GNAT3: variants seen among roughly 807,000 people sequenced by gnomAD.
The protein encoded by GNAT3 is G protein subunit alpha transducin 3, also known as guanine nucleotide-binding protein G(t) subunit alpha-3.
GNAT3 carries 31 observed loss-of-function variants against 37.7 expected under a neutral mutation model. The ratio of observed to expected loss-of-function variants is 0.82; its 90% CI spans 0.62 to 1.11. The LOEUF (loss-of-function observed/expected upper bound fraction) is 1.11, where lower values mean the gene tolerates loss of function less well. GNAT3 is among the 50% of genes most tolerant of loss of function. GNAT3 has a pLI of 0.00. For synonymous variants in GNAT3, 138 were observed against 139.8 expected (o/e 0.99, Z 0.09); for missense variants, 437 against 412.5 (o/e 1.06, Z -0.51).
chr7:80,479,076 G>A (rs959922525), intron 3 of GNAT3, 78 bp from the exon 4 acceptor site: 1 of 973,392 alleles, frequency 1.0e-6, no homozygotes, highest in Non-Finnish European at 1.5e-6. Context: ...GTAATTTACT[G>A]GGATAATTTT....
intron 2 of GNAT3, among the ~76,000 whole-genome samples, chr7:80,492,386 A>G (rs562466622): frequency 2.0e-5 from 3 of 151,694 alleles, no homozygotes; most frequent in Non-Finnish European, 4.4e-5. Context: ...AATAAAAAAT[A>G]AAATGTTAAT....
intron 1 of GNAT3, among the ~76,000 whole-genome samples, chr7:80,498,804 AATAG>A (rs1262104475): frequency 6.6e-6 from 1 of 152,140 alleles, no homozygotes; most frequent in Non-Finnish European, 1.5e-5. Flanking sequence ...GTTTCTTTGA[AATAG>A]ATAATGTTAC....
chr7:80,480,863 A>G (rs1790381808), intron 3 of GNAT3, among the ~76,000 whole-genome samples: 1 of 152,034 alleles, frequency 6.6e-6, no homozygotes, highest in African/African-American at 2.4e-5. Flanking sequence ...CGACCTCCTT[A>G]TCTCACCCTG....
intron 1 of GNAT3, among the ~76,000 whole-genome samples, chr7:80,501,451 A>G (rs1323924609): frequency 3.9e-5 from 6 of 152,030 alleles, no homozygotes; most frequent in Non-Finnish European, 2.9e-5. Flanking sequence ...TACAAAACCA[A>G]AATACTATTT....
intron 1 of GNAT3, 142 bp downstream of exon 1, chr7:80,511,667 A>C (rs566944248): frequency 2.7e-5 from 15 of 555,884 alleles, no homozygotes; most frequent in Admixed American, 9.5e-5. Flanking sequence ...AGTACAAATA[A>C]ATTTTCCTTA....
chr7:80,488,772 T>C, intron 2 of GNAT3, 96 bp from the exon 3 acceptor site: 1 of 842,424 alleles, frequency 1.2e-6, no homozygotes, highest in South Asian at 2.1e-5. Context: ...TTACAGTATA[T>C]ATTCATTAAA....
chr7:80,474,605 A>G (rs1318278690), intron 4 of GNAT3, among the ~76,000 whole-genome samples: 2 of 152,152 alleles, frequency 1.3e-5, no homozygotes, highest in Non-Finnish European at 2.9e-5. Context: ...TCATCGAATT[A>G]AAAGTTTGGT....
rs918500119 is a variant in GNAT3 at position 80,465,911 on chromosome 7, T to C, written c.591-3280A>G. On this transcript the variant is annotated intron_variant, in intron 5 of 7. Transcript: ENST00000398291. ...TGGCAAAGAATTGTGATGCTGTGAT[T>C]GAACAATGATGATTAACTTATGGAT... Among the ~76,000 whole-genome samples the C allele has an allele frequency of 5.3e-5, 8 of 152,268 alleles. No individual in the cohort carries two copies. In the South Asian group the frequency reaches 1.2e-3, roughly 24 times the overall value.
intron 4 of GNAT3, among the ~76,000 whole-genome samples, chr7:80,477,635 T>G (rs1225230111): frequency 6.6e-6 from 1 of 152,194 alleles, no homozygotes; most frequent in African/African-American, 2.4e-5. Context: ...ATTAAAAATC[T>G]GAAGTGTCAT....
chr7:80,488,189 A>G (rs1365873324), intron 3 of GNAT3, among the ~76,000 whole-genome samples: 1 of 152,120 alleles, frequency 6.6e-6, no homozygotes, highest in East Asian at 1.9e-4. Flanking sequence ...AAATGGCATA[A>G]CTAAAAAAAT....
At chr7:80,500,635 C>G (rs761932448) in intron 1 of GNAT3, among the ~76,000 whole-genome samples, 6 of 151,900 alleles carry the variant, frequency 3.9e-5, no homozygotes, top group Non-Finnish European at 7.4e-5. Context: ...TAAATGTTGG[C>G]CATTAGGTAT....
intron 3 of GNAT3, 71 bp from the exon 4 acceptor site, chr7:80,479,069 A>T: frequency 3.0e-6 from 3 of 994,290 alleles, no homozygotes; most frequent in Non-Finnish European, 4.4e-6. Flanking sequence ...TAATAGAGTA[A>T]TTTACTGGGA....
At chr7:80,466,457 A>C (rs1008629234) in intron 5 of GNAT3, among the ~76,000 whole-genome samples, 2 of 152,098 alleles carry the variant, frequency 1.3e-5, no homozygotes, top group African/African-American at 4.8e-5. Flanking sequence ...TGACTTTGTA[A>C]TTGCTCAGAT....
intron 4 of GNAT3, among the ~76,000 whole-genome samples, chr7:80,478,611 G>A (rs372679088): frequency 6.6e-6 from 1 of 152,076 alleles, no homozygotes; most frequent in East Asian, 1.9e-4. Flanking sequence ...AATCTTCTCA[G>A]GCAGTTTCAA....
Position 80,462,520 on chromosome 7 carries a change from G to A in GNAT3, c.702C>T (p.Leu234=), listed in dbSNP as rs754954554. Residue 234 remains leucine (L), a synonymous_variant, in exon 6 of 8, where the codon CTC becomes CTT. Transcript: ENST00000398291. ...GACTTACCACTTCTTCGTCTTCCAC[G>A]AGGACCATGTCATAGGCACTAAGTG... ...CAALSAYDMV[L]VEDEEVNRMH... 13 of 1,613,144 alleles carry A rather than the reference G, an allele frequency of 8.1e-6. No individual in the cohort carries two copies. Among genetic ancestry groups the A allele is most frequent in the African/African-American group, 4.0e-5 (3 of 74,864 alleles).
rs76733384 is a variant in GNAT3 at position 80,466,325 on chromosome 7, A to G, written c.591-3694T>C. Among the ~76,000 whole-genome samples the G allele has an allele frequency of 2.4e-3, 364 of 152,146 alleles. 11 individuals are homozygous for G. The East Asian group carries it at 0.058, about 24-fold the overall frequency. On this transcript the variant is annotated intron_variant, in intron 5 of 7. Transcript: ENST00000398291. ...CTCCTTTTCCCTGCTTTTATGCCCA[A>G]TTATGCCATTTTCTTTCATTCCGAT... is the stretch of plus-strand genomic sequence containing the variant.
At chr7:80,473,553 C>A (rs980993586) in intron 5 of GNAT3, among the ~76,000 whole-genome samples, 7 of 152,026 alleles carry the variant, frequency 4.6e-5, no homozygotes, top group South Asian at 2.1e-4. Flanking sequence ...CTAAACAATG[C>A]AGCTAGAACC....
intron 4 of GNAT3, among the ~76,000 whole-genome samples, chr7:80,476,443 G>A (rs915345759): frequency 6.9e-6 from 1 of 145,670 alleles, no homozygotes; most frequent in African/African-American, 2.6e-5. Flanking sequence ...ACACTAGATG[G>A]CTGCAATTAG....
Position 80,493,927 on chromosome 7 carries a change from C to T in GNAT3, c.161+678G>A, listed in dbSNP as rs906388663. 6.6e-5 allele frequency among the ~76,000 whole-genome samples: 10 copies of T among 151,172 alleles called. 1 individual carries two copies. The highest frequency in any genetic ancestry group is 2.4e-4 in the African/African-American group (10 of 41,104). ...CACCTCCTCCTCCTTTCCTCCTCCTCCTTCTCTTCCTGCTGTTGTTGCTGC... is the reference window on the plus strand; with the variant it reads ...CACCTCCTCCTCCTTTCCTCCTCCTTCTTCTCTTCCTGCTGTTGTTGCTGC... On this transcript the variant is annotated intron_variant, in intron 2 of 7. Transcript: ENST00000398291.
Sources: allele counts gnomAD v4.1 joint callset (sites outside exome capture counted in the v4.1 genomes callset), GRCh38; gene constraint gnomAD v4.1.1; transcripts MANE v1.5; gene names NCBI Gene and HGNC (gene_info 2026-07-23, HGNC 2026-07-21).